Variants in TRMT2B observed in about 807,000 individuals in gnomAD.
TRMT2B encodes the protein tRNA methyltransferase 2B, also known as tRNA (uracil-5-)-methyltransferase homolog B.
In TRMT2B, 34 loss-of-function variants were observed where a neutral mutation model predicts 39.7. The ratio of observed to expected loss-of-function variants is 0.86; its 90% CI spans 0.65 to 1.14. The LOEUF is 1.14. Among genes scored for constraint, TRMT2B ranks in the 50% most tolerant of loss-of-function variants. The probability of loss-of-function intolerance (pLI) is 0.00; values close to 1 mark genes in which losing one functional copy is unlikely to be tolerated. For missense variants in TRMT2B, 318 were observed against 377.2 expected (o/e 0.84, Z 1.30); for synonymous variants, 132 against 137.3 (o/e 0.96, Z 0.27).
At chrX:101,025,123 A>G (rs1276893967) in intron 7 of TRMT2B, among the ~76,000 whole-genome samples, 4 of 112,023 alleles carry the variant, frequency 3.6e-5, no homozygotes, top group African/African-American at 1.3e-4. Context: ...AATATTATTG[A>G]AAAATTTTAT....
the TRMT2B span, chrX:100,986,747 T>G: frequency 1.1e-6 from 1 of 885,493 alleles, no homozygotes; most frequent in South Asian, 2.6e-5. Context: ...GCTTCTGTTT[T>G]GGTTTCACTC....
At chrX:101,049,574 A>G in intron 2 of TRMT2B, among the ~76,000 whole-genome samples, 1 of 107,389 alleles carries the variant, frequency 9.3e-6, no homozygotes, top group Non-Finnish European at 1.9e-5. Flanking sequence ...AGGGTGGATC[A>G]CTTGAGGTTA....
At chrX:101,011,779 A>G (rs1382728505) in intron 13 of TRMT2B, among the ~76,000 whole-genome samples, 1 of 111,340 alleles carries the variant, frequency 9.0e-6, no homozygotes, top group East Asian at 2.8e-4. Flanking sequence ...CTGTAGTGCC[A>G]GCTACTCAGG....
the TRMT2B span, among the ~76,000 whole-genome samples, chrX:100,992,653 G>A: frequency 1.1e-4 from 12 of 111,797 alleles, no homozygotes; most frequent in Non-Finnish European, 1.9e-4. Context: ...CACACCAATA[G>A]TGGTAGCACA....
chrX:101,036,444 CAA>C (rs776144105), intron 6 of TRMT2B, among the ~76,000 whole-genome samples: 3 of 21,764 alleles, frequency 1.4e-4, no homozygotes, highest in Non-Finnish European at 1.8e-4. Context: ...GACTCCATCT[CAA>C]AAAAAAAAAA....
the TRMT2B span, among the ~76,000 whole-genome samples, chrX:100,989,325 T>C: frequency 9.0e-6 from 1 of 111,542 alleles, no homozygotes; most frequent in South Asian, 3.7e-4. Flanking sequence ...AAATTTTCTC[T>C]TTTTGGCCAG....
At chrX:100,998,789 C>A in the TRMT2B span, among the ~76,000 whole-genome samples, 1 of 110,760 alleles carries the variant, frequency 9.0e-6, no homozygotes, top group African/African-American at 3.3e-5. Context: ...AGGATTTAGG[C>A]CAGGTCAGCC....
chrX:101,031,601 G>C (rs911747739), intron 7 of TRMT2B, among the ~76,000 whole-genome samples: 1 of 109,927 alleles, frequency 9.1e-6, no homozygotes, highest in Non-Finnish European at 1.9e-5. Flanking sequence ...TCAGCTACTC[G>C]GGAGGCTGAG....
Position 101,042,037 on chromosome X carries a change from T to C in TRMT2B, c.248+5A>G. The stretch of plus-strand genomic sequence containing the variant: ...AAGGAGAGAGGACATCAGCCTGGCC[T>C]TTACCTTTCCTGCCAGGAACCATCT... On this transcript the variant is annotated splice_donor_5th_base_variant and intron_variant, in intron 3 of 13. Transcript: ENST00000372936. 8.3e-7 allele frequency: 1 copy of C among 1,211,234 alleles called. No homozygotes were observed. The highest frequency in any genetic ancestry group is 3.0e-5 in the East Asian group (1 of 33,852).
chrX:101,048,681 C>A (rs1045541125), intron 2 of TRMT2B, among the ~76,000 whole-genome samples: 14 of 112,301 alleles, frequency 1.2e-4, no homozygotes, highest in Non-Finnish European at 2.4e-4. Context: ...CTCAAGTGAT[C>A]CACCTGCCTC....
In TRMT2B at chrX:101,051,376, A is replaced by C; in HGVS notation, c.-149T>G. ...CAGACACTATTCCTTGCTAAACCAA[A>C]CAAGCAAATGGGTTGACTGCTGTGT... On this transcript the variant is annotated 5_prime_UTR_variant, in exon 2 of 14. Coordinates refer to ENST00000372936, the MANE Select transcript of TRMT2B (RefSeq NM_024917.6). 1.3e-6 allele frequency: 1 copy of C among 753,978 alleles called. No individual in the cohort carries two copies. The highest frequency in any genetic ancestry group is 1.6e-6 in the Non-Finnish European group (1 of 639,296). 62.1% of individuals were successfully genotyped at this position (753,978 alleles called of 1,213,427 possible).
the TRMT2B span, among the ~76,000 whole-genome samples, chrX:100,997,271 A>G: frequency 1.8e-5 from 2 of 112,109 alleles, no homozygotes; most frequent in African/African-American, 3.2e-5. Flanking sequence ...GCATTTTGAA[A>G]TAATTTTAGA....
chrX:100,973,913 A>G, the TRMT2B span, among the ~76,000 whole-genome samples: 1 of 111,458 alleles, frequency 9.0e-6, no homozygotes, highest in African/African-American at 3.3e-5. Flanking sequence ...CCAATTGTAC[A>G]AGGTTAAGTG....
At chrX:101,049,097 A>G (rs1413940519) in intron 2 of TRMT2B, among the ~76,000 whole-genome samples, 1 of 111,525 alleles carries the variant, frequency 9.0e-6, no homozygotes, top group Non-Finnish European at 1.9e-5. Context: ...AAAAAACAAC[A>G]TACACACACA....
chrX:101,047,420 G>A, intron 2 of TRMT2B, among the ~76,000 whole-genome samples: 1 of 111,621 alleles, frequency 9.0e-6, no homozygotes, highest in Admixed American at 9.6e-5. Flanking sequence ...GACAAAAGCT[G>A]GAAGAGCTAA....
chrX:101,007,439 C>T (rs1426100440), downstream of TRMT2B, among the ~76,000 whole-genome samples: 1 of 110,992 alleles, frequency 9.0e-6, no homozygotes, highest in African/African-American at 3.3e-5. Flanking sequence ...TTGAGGTCAG[C>T]GGTTCGAGAC....
rs755305472 is a variant in TRMT2B at position 101,020,615 on chromosome X, A to G, written c.1067-27T>C. ...TGAAGAAGTAAACGAGAAGAAGAAG[A>G]AGGCATTTTAGGGTTTAGGTGTGGT... On this transcript the variant is annotated intron_variant, in intron 10 of 13. Transcript: ENST00000372936. 15 of 1,097,869 alleles carry G rather than the reference A, an allele frequency of 1.4e-5. No individual in the cohort carries two copies. In the South Asian group the frequency reaches 1.5e-4, roughly 11 times the overall value. 90.5% of individuals were successfully genotyped at this position (1,097,869 alleles called of 1,213,427 possible).
chrX:100,978,370 T>G, the TRMT2B span, among the ~76,000 whole-genome samples: 1 of 111,696 alleles, frequency 9.0e-6, no homozygotes, highest in African/African-American at 3.2e-5. Context: ...AATATTTGCT[T>G]TGTATATCTG....
Position 101,021,087 on chromosome X carries a change from G to A in TRMT2B, c.1066+14C>T. 8.3e-7 allele frequency: 1 copy of A among 1,205,155 alleles called. No individual in the cohort carries two copies. The highest frequency in any genetic ancestry group is 1.1e-6 in the Non-Finnish European group (1 of 890,610). ...CTGAGCAGCATGCAGATTCTGCCCT[G>A]GGCTTCCACTTGCCAGTTCCACAGC... On this transcript the variant is annotated intron_variant, in intron 10 of 13. Coordinates refer to ENST00000372936, the MANE Select transcript of TRMT2B (RefSeq NM_024917.6).
Sources: allele counts gnomAD v4.1 joint callset (sites outside exome capture counted in the v4.1 genomes callset), GRCh38; gene constraint gnomAD v4.1.1; transcripts MANE v1.5; gene names NCBI Gene and HGNC (gene_info 2026-07-23, HGNC 2026-07-21).